The following PPP2R5C variants were observed in gnomAD, a reference collection of about 807,000 sequenced individuals.
PPP2R5C encodes the protein serine/threonine-protein phosphatase 2A 56 kDa regulatory subunit gamma isoform.
PPP2R5C carries 7 observed loss-of-function variants against 68.9 expected under a neutral mutation model. The observed-to-expected ratio is 0.10, with a 90% CI of 0.06 to 0.19. The LOEUF (loss-of-function observed/expected upper bound fraction) is 0.19. PPP2R5C is among the 10% of genes least tolerant of loss of function. PPP2R5C has a pLI of 1.00. For synonymous variants in PPP2R5C, 210 were observed against 222.2 expected (o/e 0.95, Z 0.49); for missense variants, 348 against 641.3 (o/e 0.54, Z 4.94).
chr14:101,796,399 G>A (rs1011963823), intron 3 of PPP2R5C, among the ~76,000 whole-genome samples: 3 of 152,156 alleles, frequency 2.0e-5, no homozygotes, highest in Non-Finnish European at 4.4e-5. Flanking sequence ...TTAATGAGAG[G>A]ACACAGTCCC....
At chr14:101,765,513 A>G (rs966969920) in intron 2 of PPP2R5C, 1 of 438,626 alleles carries the variant, frequency 2.3e-6, no homozygotes, top group Non-Finnish European at 4.1e-6. Flanking sequence ...CTTAACTTGA[A>G]TATTTTAACC....
At chr14:101,775,930 G>A (rs568304590) in intron 2 of PPP2R5C, among the ~76,000 whole-genome samples, 1 of 152,196 alleles carries the variant, frequency 6.6e-6, no homozygotes, top group South Asian at 2.1e-4. Flanking sequence ...TCAGTGGAGA[G>A]GCTCTGGGAA....
At chr14:101,834,123 C>T (rs2040935870) in intron 1 of PPP2R5C, among the ~76,000 whole-genome samples, 1 of 152,162 alleles carries the variant, frequency 6.6e-6, no homozygotes, top group South Asian at 2.1e-4. Context: ...TCAGTTTTGA[C>T]ATTGTCTCTT....
At chr14:101,909,800 C>A (rs1299896359) in intron 11 of PPP2R5C, 110 bp downstream of exon 13, 4 of 662,264 alleles carry the variant, frequency 6.0e-6, no homozygotes, top group Non-Finnish European at 9.4e-6. Context: ...GAAAGCAAAA[C>A]CAAGCCTTTC....
intron 1 of PPP2R5C, among the ~76,000 whole-genome samples, chr14:101,830,452 G>C (rs1566880786): frequency 6.6e-6 from 1 of 152,224 alleles, no homozygotes; most frequent in Non-Finnish European, 1.5e-5. Context: ...GCTGAGGACA[G>C]CCAAGTGTTG....
exon 14 of PPP2R5C, chr14:101,925,242 C>T (rs1301989851): frequency 3.2e-5 from 51 of 1,613,422 alleles, no homozygotes; most frequent in Non-Finnish European, 4.1e-5. Context: ...ACTGCAGGGC[C>T]GATGAGCTGG....
intron 10 of PPP2R5C, among the ~76,000 whole-genome samples, chr14:101,907,158 T>G (rs987107238): frequency 3.3e-5 from 5 of 152,202 alleles, no homozygotes; most frequent in African/African-American, 9.6e-5. Context: ...TATTTTTCTT[T>G]TTTAAAATTT....
rs368266519 is a variant in PPP2R5C, at chr14:101,842,479, G to A, written c.95-14207G>A. 3.3e-4 allele frequency among the ~76,000 whole-genome samples: 50 copies of A among 152,270 alleles called. No homozygotes were observed. In the East Asian group the frequency reaches 4.3e-3, roughly 13 times the overall value. On this transcript the variant is annotated intron_variant, in intron 1 of 13. Transcript: ENST00000334743. ...GGGAGTGAGGAGCAAGCTGGGGTTC[G>A]GCCCCAACCGGGGTGCTCTGCGTGC...
chr14:101,881,386 G>A (rs770415377), intron 2 of PPP2R5C, among the ~76,000 whole-genome samples: 18 of 151,994 alleles, frequency 1.2e-4, no homozygotes, highest in Non-Finnish European at 2.2e-4. Flanking sequence ...GGCCGCAGAG[G>A]GAGACGTCAC....
At chr14:101,874,599 C>A (rs2043633305) in intron 2 of PPP2R5C, among the ~76,000 whole-genome samples, 2 of 152,138 alleles carry the variant, frequency 1.3e-5, no homozygotes, top group Admixed American at 1.3e-4. Context: ...TAAACTCATG[C>A]ACATAACTGT....
At chr14:101,837,574 C>T (rs1469432234) in intron 1 of PPP2R5C, among the ~76,000 whole-genome samples, 1 of 152,294 alleles carries the variant, frequency 6.6e-6, no homozygotes, top group African/African-American at 2.4e-5. Context: ...GAAATAAACA[C>T]ACAGGCGGAA....
chr14:101,764,137 A>T (rs1182873250), intron 2 of PPP2R5C, among the ~76,000 whole-genome samples: 2 of 152,180 alleles, frequency 1.3e-5, no homozygotes, highest in Non-Finnish European at 2.9e-5. Context: ...TACTTGACCA[A>T]GGTTGATGCT....
At position 101,877,469 on chromosome 14, in the gene PPP2R5C, G is replaced by A. The variant is rs2043855773; in HGVS notation, c.295-4692G>A. On this transcript the variant is annotated intron_variant, in intron 2 of 13. Coordinates refer to ENST00000334743, the Ensembl canonical transcript of PPP2R5C. This position sits in a 1 kb window ranked among gnomAD's most constrained non-coding sequence, Gnocchi z 4.2. ...CCCTGTGTGCTGCCCAGAAGACCCGGGACTCCTTAGACCTCAGAGCTTCTT... is the reference window on the plus strand; with the variant it reads ...CCCTGTGTGCTGCCCAGAAGACCCGAGACTCCTTAGACCTCAGAGCTTCTT... Among the ~76,000 whole-genome samples, 1 of 152,064 alleles carries A rather than the reference G, an allele frequency of 6.6e-6. No individual in the cohort carries two copies. The highest frequency in any genetic ancestry group is 1.5e-5 in the Non-Finnish European group (1 of 68,020).
intron 5 of PPP2R5C, among the ~76,000 whole-genome samples, chr14:101,884,569 C>T (rs567392866): frequency 2.6e-5 from 4 of 152,340 alleles, no homozygotes; most frequent in Admixed American, 1.3e-4. Flanking sequence ...CACTGTGCAC[C>T]AGGGGAGGGA....
intron 2 of PPP2R5C, among the ~76,000 whole-genome samples, chr14:101,767,752 C>A (rs921466173): frequency 7.2e-5 from 11 of 152,190 alleles, no homozygotes; most frequent in African/African-American, 2.7e-4. Context: ...TTCCTTAGAG[C>A]CCAGGGGCAT....
chr14:101,893,965 CAG>C (rs1172853054), intron 7 of PPP2R5C, among the ~76,000 whole-genome samples: 1 of 152,244 alleles, frequency 6.6e-6, no homozygotes, highest in Non-Finnish European at 1.5e-5. Context: ...AGCACAGGCA[CAG>C]GGGTGCACAA....
chr14:101,889,912 G>A (rs2140948699), intron 5 of PPP2R5C: 1 of 487,032 alleles, frequency 2.1e-6, no homozygotes, highest in South Asian at 1.6e-5. Context: ...AGCAGATGGA[G>A]CACATTGCTC....
upstream of PPP2R5C, chr14:101,761,799 CGGCCGCGGGGGCGCGACGGCCGGGGCGGG>C: frequency 2.8e-5 from 25 of 903,270 alleles, no homozygotes; most frequent in Non-Finnish European, 3.0e-5. Context: ...GCGGCGGCGG[CGGCCGCGGGGGCGCGACGGCCGGGGCGGG>C]GGCGCTGCTG....
At chr14:101,811,604 A>G (rs941239737) in intron 1 of PPP2R5C, among the ~76,000 whole-genome samples, 1 of 152,108 alleles carries the variant, frequency 6.6e-6, no homozygotes, top group Non-Finnish European at 1.5e-5. Flanking sequence ...CCGCCTCCCA[A>G]AGTGCTAAGA....
Sources: allele counts gnomAD v4.1 joint callset (sites outside exome capture counted in the v4.1 genomes callset), GRCh38; gene constraint gnomAD v4.1.1; non-coding constraint Gnocchi (gnomAD v3.1); transcripts MANE v1.5; gene names NCBI Gene and HGNC (gene_info 2026-07-23, HGNC 2026-07-21).